Variants in CNGB3 observed in about 807,000 individuals in gnomAD.
CNGB3 encodes the protein cyclic nucleotide-gated channel beta-3.
In CNGB3, 86 loss-of-function variants were observed where a neutral mutation model predicts 92.8. The ratio of observed to expected loss-of-function variants is 0.93; its 90% CI spans 0.78 to 1.11. The LOEUF (loss-of-function observed/expected upper bound fraction) is 1.11. Among genes scored for constraint, CNGB3 ranks in the 50% least tolerant of loss-of-function variants. The pLI is 0.00. For missense variants in CNGB3, 1,026 were observed against 956.8 expected (o/e 1.07, Z -0.95); for synonymous variants, 333 against 332.7 (o/e 1.00, Z -0.01).
chr8:86,638,989 A>T (rs1823127717), intron 10 of CNGB3, among the ~76,000 whole-genome samples: 1 of 151,710 alleles, frequency 6.6e-6, no homozygotes, highest in Non-Finnish European at 1.5e-5. Flanking sequence ...GCTATGAGGT[A>T]TCTAGGACAT....
intron 3 of CNGB3, among the ~76,000 whole-genome samples, chr8:86,706,172 A>T (rs1414313269): frequency 6.6e-6 from 1 of 152,210 alleles, no homozygotes; most frequent in Non-Finnish European, 1.5e-5. Context: ...GTACTTTTCC[A>T]GGTCTCATTA....
At chr8:86,620,479 A>G (rs1822702873) in intron 13 of CNGB3, among the ~76,000 whole-genome samples, 1 of 152,062 alleles carries the variant, frequency 6.6e-6, no homozygotes, top group Non-Finnish European at 1.5e-5. Flanking sequence ...TCCCCTTCTT[A>G]TAAAGACACC....
At chr8:86,695,299 G>C (rs1038433545) in intron 3 of CNGB3, among the ~76,000 whole-genome samples, 1 of 152,156 alleles carries the variant, frequency 6.6e-6, no homozygotes, top group Non-Finnish European at 1.5e-5. Context: ...AAGAGAGGGA[G>C]AGGGAGACCA....
At chr8:86,723,169 C>A (rs1825003533) in intron 3 of CNGB3, among the ~76,000 whole-genome samples, 1 of 152,120 alleles carries the variant, frequency 6.6e-6, no homozygotes, top group South Asian at 2.1e-4. Flanking sequence ...GCAAAATCCA[C>A]ACTATGCATT....
At chr8:86,622,274 C>T (rs1193574761) in intron 13 of CNGB3, among the ~76,000 whole-genome samples, 5 of 151,884 alleles carry the variant, frequency 3.3e-5, no homozygotes, top group African/African-American at 1.2e-4. Flanking sequence ...GTTCATATAA[C>T]AGACTTTAGT....
chr8:86,612,357 C>T (rs1822538480), intron 13 of CNGB3, among the ~76,000 whole-genome samples: 1 of 152,164 alleles, frequency 6.6e-6, no homozygotes, highest in East Asian at 1.9e-4. Context: ...CTACAAAAAA[C>T]TCACTTACAT....
intron 17 of CNGB3, among the ~76,000 whole-genome samples, chr8:86,577,299 A>G (rs563132929): frequency 6.6e-6 from 1 of 152,324 alleles, no homozygotes; most frequent in East Asian, 1.9e-4. Flanking sequence ...CAGTTTCTTC[A>G]TCTATAACAT....
At chr8:86,619,586 G>C (rs1452324579) in intron 13 of CNGB3, among the ~76,000 whole-genome samples, 1 of 151,974 alleles carries the variant, frequency 6.6e-6, no homozygotes, top group Non-Finnish European at 1.5e-5. Context: ...CACCTGCTTT[G>C]ATTAAGAGGA....
chr8:86,627,500 C>T (rs1585978341), intron 12 of CNGB3, among the ~76,000 whole-genome samples: 1 of 152,254 alleles, frequency 6.6e-6, no homozygotes, highest in Non-Finnish European at 1.5e-5. Flanking sequence ...TGGTTTCTGT[C>T]TGCTCTTAGG....
chr8:86,587,417 C>T (rs1821921117), intron 15 of CNGB3, among the ~76,000 whole-genome samples: 1 of 152,054 alleles, frequency 6.6e-6, no homozygotes, highest in African/African-American at 2.4e-5. Context: ...TTGCCCATGC[C>T]TATGTCCTGA....
intron 3 of CNGB3, among the ~76,000 whole-genome samples, chr8:86,700,161 T>C (rs1824526855): frequency 6.6e-6 from 1 of 152,176 alleles, no homozygotes; most frequent in South Asian, 2.1e-4. Context: ...TGAGAAGCAA[T>C]GTTTTTTTTA....
intron 2 of CNGB3, among the ~76,000 whole-genome samples, chr8:86,731,279 T>A (rs149456751): frequency 1.8e-4 from 27 of 152,234 alleles, no homozygotes; most frequent in Non-Finnish European, 3.8e-4. Flanking sequence ...CTCCAGCCAA[T>A]CTAAGAAGCC....
chr8:86,731,781 C>T (rs1329269349), intron 2 of CNGB3, among the ~76,000 whole-genome samples: 1 of 152,084 alleles, frequency 6.6e-6, no homozygotes, highest in African/African-American at 2.4e-5. Flanking sequence ...TAGATAAAGA[C>T]TCCATTTGAG....
At chr8:86,696,112 T>A (rs947471220) in intron 3 of CNGB3, among the ~76,000 whole-genome samples, 13 of 152,218 alleles carry the variant, frequency 8.5e-5, no homozygotes, top group African/African-American at 3.1e-4. Context: ...GTGTGCTGGT[T>A]TTCTTGAATG....
At chr8:86,687,108 TATA>T (rs1190060813) in intron 3 of CNGB3, among the ~76,000 whole-genome samples, 3 of 151,976 alleles carry the variant, frequency 2.0e-5, no homozygotes, top group Admixed American at 6.6e-5. Context: ...CTAGGATGGC[TATA>T]ATAAGAAAAA....
At position 86,717,827 on chromosome 8, in the gene CNGB3, G is replaced by A. The variant is rs145396689; in HGVS notation, c.338+8704C>T. Among the ~76,000 whole-genome samples, 232 of 152,186 alleles carry A rather than the reference G, an allele frequency of 1.5e-3. 1 individual carries two copies. The highest frequency in any genetic ancestry group is 5.0e-3 in the African/African-American group (206 of 41,526). On this transcript the variant is annotated intron_variant, in intron 3 of 17. Coordinates refer to ENST00000320005, the MANE Select transcript of CNGB3 (RefSeq NM_019098.5). ...ATATTAAGTACTCTTTCAGATCACA[G>A]TGGAATAAAATTTGAAATCAACTCC...
chr8:86,735,596 T>C (rs187420313), intron 2 of CNGB3, among the ~76,000 whole-genome samples: 3 of 152,250 alleles, frequency 2.0e-5, no homozygotes, highest in East Asian at 3.9e-4. Context: ...ACAGCACTCC[T>C]TGGGTCCTGG....
At chr8:86,667,358 T>A (rs774549750) in intron 5 of CNGB3, among the ~76,000 whole-genome samples, 1 of 152,200 alleles carries the variant, frequency 6.6e-6, no homozygotes, top group Non-Finnish European at 1.5e-5. Context: ...AGAGTTTCCT[T>A]CCAGTCTCCT....
chr8:86,678,801 T>G (rs942260452), intron 3 of CNGB3, among the ~76,000 whole-genome samples: 6 of 152,204 alleles, frequency 3.9e-5, no homozygotes, highest in African/African-American at 1.4e-4. Context: ...TACACCCATA[T>G]GTACACACAC....
Sources: allele counts gnomAD v4.1 joint callset (sites outside exome capture counted in the v4.1 genomes callset), GRCh38; gene constraint gnomAD v4.1.1; transcripts MANE v1.5; gene names NCBI Gene and HGNC (gene_info 2026-07-23, HGNC 2026-07-21).